TCERG1L: variants seen among roughly 807,000 people sequenced by gnomAD.
The protein encoded by TCERG1L is transcription elongation regulator 1 like, also known as transcription elongation regulator 1-like protein.
A neutral mutation model predicts 56.3 loss-of-function variants in TCERG1L; 37 were observed. The ratio of observed to expected loss-of-function variants is 0.66; its 90% confidence interval spans 0.51 to 0.87. The LOEUF (loss-of-function observed/expected upper bound fraction) is 0.87, where lower values mean the gene tolerates loss of function less well. TCERG1L is among the 40% of genes least tolerant of loss of function. The probability of loss-of-function intolerance (pLI) is 0.00; values close to 1 mark genes in which losing one functional copy is unlikely to be tolerated. For missense variants in TCERG1L, 799 were observed against 774.2 expected, an observed-to-expected ratio of 1.03 and a Z score of -0.38; for synonymous variants, 324 against 326.3, an observed-to-expected ratio of 0.99 and a Z score of 0.08.
rs950661431 is a variant in TCERG1L, at chr10:131,288,479, G to A, written c.670+19732C>T. Among the ~76,000 whole-genome samples, 6 of 152,240 alleles carry A rather than the reference G, an allele frequency of 3.9e-5. No individual in the cohort carries two copies. The East Asian group carries it at 7.8e-4, about 20-fold the overall frequency. On this transcript the variant is annotated intron_variant, in intron 3 of 11. Transcript: ENST00000368642. ...CCCTCTCAGGACAGACGCACTGTGGGATACCCGCTGTGCCGGGAGGTGGGT... is the reference window on the plus strand; with the variant it reads ...CCCTCTCAGGACAGACGCACTGTGGAATACCCGCTGTGCCGGGAGGTGGGT...
At chr10:131,190,930 C>T (rs970095937) in intron 4 of TCERG1L, among the ~76,000 whole-genome samples, 2 of 143,992 alleles carry the variant, frequency 1.4e-5, no homozygotes, top group African/African-American at 2.6e-5. Flanking sequence ...GTTAAACTAT[C>T]GCTGTTTGCA....
chr10:131,128,569 G>A (rs187865294), intron 8 of TCERG1L, among the ~76,000 whole-genome samples: 11 of 152,278 alleles, frequency 7.2e-5, no homozygotes, highest in Admixed American at 5.2e-4. Context: ...GTCACCTTTC[G>A]AGGATACTGG....
chr10:131,172,647 C>A (rs977061482), intron 4 of TCERG1L, among the ~76,000 whole-genome samples: 2 of 152,234 alleles, frequency 1.3e-5, no homozygotes, highest in Non-Finnish European at 2.9e-5. Flanking sequence ...CCAGCTCACG[C>A]GAGCCTTGCT....
At chr10:131,142,732 C>T (rs77505737) in intron 7 of TCERG1L, among the ~76,000 whole-genome samples, 7,584 of 152,210 alleles carry the variant, frequency 0.05, 278 homozygotes, top group South Asian at 0.22. Flanking sequence ...CTGGGCAAGT[C>T]AGATAAGCTC....
At chr10:131,297,979 T>C (rs1174316867) in intron 3 of TCERG1L, among the ~76,000 whole-genome samples, 2 of 152,136 alleles carry the variant, frequency 1.3e-5, no homozygotes, top group Non-Finnish European at 2.9e-5. Context: ...TTATAAATTC[T>C]ATTGCTCTTC....
intron 3 of TCERG1L, among the ~76,000 whole-genome samples, chr10:131,271,798 C>T (rs1345443839): frequency 1.3e-5 from 2 of 152,280 alleles, no homozygotes; most frequent in East Asian, 1.9e-4. Context: ...TCCCTGTGAC[C>T]GGAGACTGAA....
At chr10:131,270,753 C>T (rs1028834544) in intron 3 of TCERG1L, among the ~76,000 whole-genome samples, 17 of 152,212 alleles carry the variant, frequency 1.1e-4, no homozygotes, top group African/African-American at 3.6e-4. Flanking sequence ...CACATGCAGG[C>T]AAATGTCCAT....
At chr10:131,216,235 A>C (rs184453786) in intron 4 of TCERG1L, among the ~76,000 whole-genome samples, 97 of 152,270 alleles carry the variant, frequency 6.4e-4, no homozygotes, top group African/African-American at 2.1e-3. Flanking sequence ...GCCCAAAGAG[A>C]GGAGGTGGAG....
rs565558731 is a variant in TCERG1L at position 131,288,385 on chromosome 10, C to T, written c.670+19826G>A. Among the ~76,000 whole-genome samples the T allele has an allele frequency of 5.3e-4, 81 of 152,278 alleles. 1 individual carries two copies. Among genetic ancestry groups the T allele is most frequent in the African/African-American group, 1.9e-3 (79 of 41,554 alleles). ...TTGACTAGGAGTAACTAACCACCAG[C>T]ATTTTACTCTCCCACCCTCATCTCA... is the stretch of plus-strand genomic sequence containing the variant. On this transcript the variant is annotated intron_variant, in intron 3 of 11. Coordinates refer to ENST00000368642, the MANE Select transcript of TCERG1L (RefSeq NM_174937.4).
chr10:131,195,091 C>A (rs1845344198), intron 4 of TCERG1L, among the ~76,000 whole-genome samples: 1 of 152,120 alleles, frequency 6.6e-6, no homozygotes, highest in Non-Finnish European at 1.5e-5. Flanking sequence ...CAGGTCCCAG[C>A]ATGCTTGGAT....
At chr10:131,165,649 T>C (rs934483693) in intron 5 of TCERG1L, among the ~76,000 whole-genome samples, 5 of 152,186 alleles carry the variant, frequency 3.3e-5, no homozygotes, top group African/African-American at 7.2e-5. Flanking sequence ...CATTGAACAA[T>C]AGAAACTCAA....
intron 3 of TCERG1L, among the ~76,000 whole-genome samples, chr10:131,285,519 AG>A (rs1444062280): frequency 3.9e-4 from 5 of 12,908 alleles, no homozygotes; most frequent in Non-Finnish European, 1.1e-3. Context: ...AAAGAAAGAA[AG>A]AAAGAGAGAA....
intron 3 of TCERG1L, among the ~76,000 whole-genome samples, chr10:131,272,125 G>A (rs971404809): frequency 2.0e-5 from 3 of 152,156 alleles, no homozygotes; most frequent in African/African-American, 4.8e-5. Context: ...CAGGGACTCC[G>A]TCAACAGCAC....
At chr10:131,122,112 G>A (rs906724905) in intron 8 of TCERG1L, among the ~76,000 whole-genome samples, 7 of 152,198 alleles carry the variant, frequency 4.6e-5, no homozygotes, top group African/African-American at 7.2e-5. Context: ...GAGTGGATTC[G>A]GAACCTAAAA....
chr10:131,295,965 T>C (rs1171655282), intron 3 of TCERG1L, among the ~76,000 whole-genome samples: 1 of 152,230 alleles, frequency 6.6e-6, no homozygotes. Flanking sequence ...GATTTTTTTT[T>C]CTTATGACTA....
At chr10:131,245,747 C>T (rs1231928589) in intron 4 of TCERG1L, among the ~76,000 whole-genome samples, 1 of 152,108 alleles carries the variant, frequency 6.6e-6, no homozygotes, top group Non-Finnish European at 1.5e-5. Context: ...AAGAGCTGGT[C>T]GAGTTCGGAG....
chr10:131,094,678 T>C (rs1845222347), intron 11 of TCERG1L, among the ~76,000 whole-genome samples: 2 of 151,974 alleles, frequency 1.3e-5, no homozygotes, highest in East Asian at 3.9e-4. Context: ...CCCTTCCTCC[T>C]TCCTTCTCTC....
intron 4 of TCERG1L, among the ~76,000 whole-genome samples, chr10:131,182,042 A>ATG (rs1016872703): frequency 2.0e-5 from 3 of 151,990 alleles, no homozygotes; most frequent in Non-Finnish European, 2.9e-5. Context: ...CACTCTGTGC[A>ATG]TGTGTGTGTG....
At chr10:131,255,588 A>T (rs1392986359) in intron 4 of TCERG1L, among the ~76,000 whole-genome samples, 1 of 152,240 alleles carries the variant, frequency 6.6e-6, no homozygotes, top group Non-Finnish European at 1.5e-5. Flanking sequence ...TACTGGACAT[A>T]ACCTTAGGCA....
Sources: gnomAD v4.1 joint callset for allele counts (sites outside exome capture counted in the v4.1 genomes callset) on GRCh38, gnomAD v4.1.1 for gene constraint, MANE v1.5 for transcripts, NCBI Gene and HGNC (gene_info 2026-07-23, HGNC 2026-07-21) for gene names.